THSD4: variants seen among roughly 807,000 people sequenced by gnomAD.
THSD4 encodes the protein thrombospondin type 1 domain containing 4.
THSD4 carries 69 observed loss-of-function variants against 119.0 expected under a neutral mutation model. That is an observed-to-expected ratio of 0.58 (90% CI 0.48 to 0.71). The LOEUF (loss-of-function observed/expected upper bound fraction) is 0.71, where lower values mean the gene tolerates loss of function less well. Among genes scored for constraint, THSD4 ranks in the 30% least tolerant of loss-of-function variants. THSD4 has a pLI of 0.00. For missense variants in THSD4, 1,393 were observed against 1,391.1 expected, an observed-to-expected ratio of 1.00 and a Z score of -0.02; for synonymous variants, 524 against 540.4, an observed-to-expected ratio of 0.97 and a Z score of 0.42.
chr15:71,717,922 G>A lies in THSD4; in HGVS notation c.1358-10627G>A, dbSNP rs1261944104. The stretch of plus-strand genomic sequence containing the variant: ...CCAGCATTTTGAGAGGCCAAGGTGG[G>A]AGGATCACTTGAGCCCAGGAGTTTG... On this transcript the variant is annotated intron_variant, in intron 8 of 17. Coordinates refer to ENST00000261862, the MANE Select transcript of THSD4 (RefSeq NM_024817.3). Among the ~76,000 whole-genome samples, 8 of 152,316 alleles carry A rather than the reference G, an allele frequency of 5.3e-5. No homozygotes were observed. In the East Asian group the frequency reaches 1.5e-3, roughly 29 times the overall value.
intron 1 of THSD4, among the ~76,000 whole-genome samples, chr15:71,121,442 A>G (rs2040408485): frequency 6.6e-6 from 1 of 151,554 alleles, no homozygotes; most frequent in African/African-American, 2.4e-5. Context: ...CTTCTCTTCC[A>G]GGGCGCCAAG....
intron 1 of THSD4, among the ~76,000 whole-genome samples, chr15:71,116,606 C>T (rs532944346): frequency 1.2e-4 from 19 of 152,296 alleles, no homozygotes; most frequent in Non-Finnish European, 2.5e-4. Context: ...TCGCCCTTTT[C>T]GGGCTATGAG....
intron 5 of THSD4, among the ~76,000 whole-genome samples, chr15:71,250,788 TA>T (rs1183576036): frequency 6.6e-6 from 1 of 152,140 alleles, no homozygotes; most frequent in Non-Finnish European, 1.5e-5. Flanking sequence ...CTCGAATATT[TA>T]AAAATCTATG....
intron 7 of THSD4, among the ~76,000 whole-genome samples, chr15:71,413,310 G>GCTT (rs1171751692): frequency 6.6e-6 from 1 of 152,208 alleles, no homozygotes; most frequent in Non-Finnish European, 1.5e-5. Flanking sequence ...ACCGCACCCA[G>GCTT]CTTCTACTCT....
Position 71,575,143 on chromosome 15 carries a change from C to G in THSD4, c.1153-85387C>G, listed in dbSNP as rs941051352. On this transcript the variant is annotated intron_variant, in intron 7 of 17. Transcript: ENST00000261862. Reference sequence around the variant, plus strand: ...CTCTCTTGTCTCAGCACTAGGCAAACCTAGACTTCTCTAAAGCTGGGCTTG... The same window carrying G: ...CTCTCTTGTCTCAGCACTAGGCAAAGCTAGACTTCTCTAAAGCTGGGCTTG... Among the ~76,000 whole-genome samples the G allele has an allele frequency of 2.0e-5, 3 of 152,286 alleles. No homozygotes were observed. In the East Asian group the frequency reaches 5.8e-4, roughly 30 times the overall value.
chr15:71,384,731 G>T (rs535302511), intron 6 of THSD4, among the ~76,000 whole-genome samples: 9 of 152,142 alleles, frequency 5.9e-5, no homozygotes, highest in Non-Finnish European at 1.2e-4. Flanking sequence ...GTGCAGTGCC[G>T]TTCATTTGGA....
Position 71,689,373 on chromosome 15 carries a change from G to C in THSD4, c.1357+28639G>C, listed in dbSNP as rs552979116. Among the ~76,000 whole-genome samples the C allele has an allele frequency of 1.0e-3, 157 of 152,270 alleles. 1 individual carries two copies. Among genetic ancestry groups the C allele is most frequent in the Non-Finnish European group, 2.0e-3 (134 of 68,030 alleles). ...GGCTCTGAATTCTGTGTCTGCCACT[G>C]AGCAGCTCTGATCTTGAGCATTGTT... On this transcript the variant is annotated intron_variant, in intron 8 of 17. Coordinates refer to ENST00000261862, the MANE Select transcript of THSD4 (RefSeq NM_024817.3).
chr15:71,295,622 T>C (rs958943566), intron 6 of THSD4, among the ~76,000 whole-genome samples: 1 of 152,050 alleles, frequency 6.6e-6, no homozygotes, highest in Non-Finnish European at 1.5e-5. Flanking sequence ...ACAGTAAGTA[T>C]ATTGGAATTC....
At chr15:71,486,884 G>A (rs549529842) in intron 7 of THSD4, among the ~76,000 whole-genome samples, 27 of 152,090 alleles carry the variant, frequency 1.8e-4, no homozygotes, top group African/African-American at 5.8e-4. Context: ...TTGCCTTTTC[G>A]GGGTCCTGCA....
At chr15:71,658,066 G>A (rs939250566) in intron 7 of THSD4, among the ~76,000 whole-genome samples, 9 of 152,044 alleles carry the variant, frequency 5.9e-5, no homozygotes, top group Non-Finnish European at 1.3e-4. Context: ...TACAGGAGAG[G>A]GACTCACTGG....
chr15:71,112,159 G>A (rs182883425), upstream of THSD4: 27 of 1,613,670 alleles, frequency 1.7e-5, no homozygotes, highest in East Asian at 1.6e-4. Flanking sequence ...ACGTGCAGAC[G>A]CTGTGCTGCA....
intron 7 of THSD4, among the ~76,000 whole-genome samples, chr15:71,576,624 G>A (rs777471448): frequency 6.6e-6 from 1 of 152,142 alleles, no homozygotes; most frequent in African/African-American, 2.4e-5. Flanking sequence ...CAGTTTGATT[G>A]ACAACCATTT....
intron 3 of THSD4, among the ~76,000 whole-genome samples, chr15:71,209,294 C>T (rs2043870253): frequency 6.6e-6 from 1 of 152,182 alleles, no homozygotes; most frequent in African/African-American, 2.4e-5. Context: ...AGCAGATTCG[C>T]ATTCTTTTAT....
intron 7 of THSD4, among the ~76,000 whole-genome samples, chr15:71,609,158 G>A (rs2140907404): frequency 6.6e-6 from 1 of 152,282 alleles, no homozygotes; most frequent in East Asian, 1.9e-4. Flanking sequence ...TGTATGAACT[G>A]AAGACTGGTA....
chr15:71,190,466 T>C (rs1305896330), intron 3 of THSD4, among the ~76,000 whole-genome samples: 1 of 152,184 alleles, frequency 6.6e-6, no homozygotes, highest in Non-Finnish European at 1.5e-5. Flanking sequence ...CAGGTGATTC[T>C]AAGGTACGGT....
chr15:71,581,536 G>T (rs1407603217), intron 7 of THSD4, among the ~76,000 whole-genome samples: 1 of 152,042 alleles, frequency 6.6e-6, no homozygotes, highest in Admixed American at 6.6e-5. Flanking sequence ...TTTTTAGTCT[G>T]ATGCAATCTC....
At chr15:71,156,944 C>A (rs1041359915) in intron 3 of THSD4, among the ~76,000 whole-genome samples, 1 of 152,076 alleles carries the variant, frequency 6.6e-6, no homozygotes, top group Non-Finnish European at 1.5e-5. Context: ...AAATTGGCAC[C>A]CCCCTCCCCT....
chr15:71,263,394 T>G (rs1260094491), intron 6 of THSD4, among the ~76,000 whole-genome samples: 3 of 151,264 alleles, frequency 2.0e-5, no homozygotes, highest in Admixed American at 6.6e-5. Flanking sequence ...TTTAGGTTGA[T>G]TCCATGTCTT....
In THSD4 at chr15:71,782,256, G is replaced by T. The variant is rs983004820; in HGVS notation, c.*4882G>T. ...ATTTCAGCAGATAATGATGGAGGGG[G>T]GGGGTGTCCATCGTGCTGAGGGTGT... is the stretch of plus-strand genomic sequence containing the variant. On this transcript the variant is annotated 3_prime_UTR_variant, in exon 18 of 18. Coordinates refer to ENST00000261862, the MANE Select transcript of THSD4 (RefSeq NM_024817.3). The T allele has an allele frequency of 3.9e-5, 6 of 152,094 alleles. No individual in the cohort carries two copies. The highest frequency in any genetic ancestry group is 1.2e-4 in the African/African-American group (5 of 41,504). The allele number at this position is 152,094 out of a possible 1,614,324, so 9.4% of individuals were successfully genotyped here. A position where few individuals can be genotyped will look rare whatever the true frequency, so the allele number is the denominator to read the frequency against.
Sources: gnomAD v4.1 joint callset for allele counts (sites outside exome capture counted in the v4.1 genomes callset) on GRCh38, gnomAD v4.1.1 for gene constraint, MANE v1.5 for transcripts, NCBI Gene and HGNC (gene_info 2026-07-23, HGNC 2026-07-21) for gene names.